Variants in ACSL3 observed in about 807,000 individuals in gnomAD.
The protein encoded by ACSL3 is acyl-CoA synthetase long chain family member 3.
In ACSL3, 34 loss-of-function variants were observed where a neutral mutation model predicts 84.7. The ratio of observed to expected loss-of-function variants is 0.40; its 90% CI spans 0.31 to 0.53. ACSL3 has a LOEUF of 0.53. Ranked by LOEUF, ACSL3 falls within the 20% of genes least tolerant of loss-of-function variation. The pLI is 0.48. For synonymous variants in ACSL3, 315 were observed against 299.4 expected, an observed-to-expected ratio of 1.05 and a Z score of -0.54; for missense variants, 680 against 873.1, an observed-to-expected ratio of 0.78 and a Z score of 2.79.
intron 6 of ACSL3, among the ~76,000 whole-genome samples, 181 bp from the exon 7 acceptor site, chr2:222,918,883 T>C (rs767362775): frequency 6.6e-6 from 1 of 151,980 alleles, no homozygotes; most frequent in Non-Finnish European, 1.5e-5. Flanking sequence ...AAAATAATAA[T>C]TTAAATTCAG....
At chr2:222,893,318 G>T (rs2106104575) in intron 2 of ACSL3, among the ~76,000 whole-genome samples, 1 of 152,302 alleles carries the variant, frequency 6.6e-6, no homozygotes, top group Non-Finnish European at 1.5e-5. Flanking sequence ...GATGGTGGTG[G>T]ATGTGAGGGG....
intron 1 of ACSL3, among the ~76,000 whole-genome samples, chr2:222,877,891 T>C (rs1695490460): frequency 6.6e-6 from 1 of 152,222 alleles, no homozygotes; most frequent in Non-Finnish European, 1.5e-5. Context: ...GATCACAGTT[T>C]TTGTTTCTTG....
Position 222,943,256 on chromosome 2 carries a change from A to T in ACSL3, c.*1602A>T, listed in dbSNP as rs939066793. 9.6e-5 allele frequency: 16 copies of T among 166,904 alleles called. No individual in the cohort carries two copies. The highest frequency in any genetic ancestry group is 4.6e-4 in the African/African-American group (16 of 34,912). The allele number at this position is 166,904 out of a possible 1,614,324, so 10.3% of individuals were successfully genotyped here. ...TTGTTTTCAACTTTTCTTGTATTGTATATTTGTATTATGTTTTGAATGCTT... is the reference window on the plus strand; with the variant it reads ...TTGTTTTCAACTTTTCTTGTATTGTTTATTTGTATTATGTTTTGAATGCTT... On this transcript the variant is annotated 3_prime_UTR_variant, in exon 17 of 17. Transcript: ENST00000357430.
At chr2:222,931,566 T>G (rs1697031439) in intron 14 of ACSL3, among the ~76,000 whole-genome samples, 1 of 152,134 alleles carries the variant, frequency 6.6e-6, no homozygotes, top group Non-Finnish European at 1.5e-5. Context: ...ATCATACTCT[T>G]CTCTCTTTGT....
At chr2:222,928,687 A>C (rs1195224221) in intron 12 of ACSL3, among the ~76,000 whole-genome samples, 175 bp from the exon 13 acceptor site, 1 of 152,138 alleles carries the variant, frequency 6.6e-6, no homozygotes, top group Non-Finnish European at 1.5e-5. Flanking sequence ...TAGGCCAAAA[A>C]ATACGACTCT....
chr2:222,866,894 G>A lies in ACSL3; in HGVS notation c.-207+5636G>A, dbSNP rs186529294. ...CTGTCACCTATGCTGGAGTGCAGTGGTGTGATCTCTGCTCACTGCAACCTC... is the reference window on the plus strand; with the variant it reads ...CTGTCACCTATGCTGGAGTGCAGTGATGTGATCTCTGCTCACTGCAACCTC... On this transcript the variant is annotated intron_variant, in intron 1 of 16. Coordinates refer to ENST00000357430, the MANE Select transcript of ACSL3 (RefSeq NM_004457.5). Among the ~76,000 whole-genome samples, 701 of 147,358 alleles carry A rather than the reference G, an allele frequency of 4.8e-3. 4 individuals are homozygous for A. The highest frequency in any genetic ancestry group is 7.9e-3 in the Non-Finnish European group (523 of 66,352).
At chr2:222,863,653 A>G (rs1695067487) in intron 1 of ACSL3, among the ~76,000 whole-genome samples, 1 of 152,218 alleles carries the variant, frequency 6.6e-6, no homozygotes, top group Non-Finnish European at 1.5e-5. Flanking sequence ...TTTTAAAACA[A>G]CGAGCATCAT....
At chr2:222,924,698 T>C in intron 11 of ACSL3, 103 bp downstream of exon 11, 1 of 1,275,158 alleles carries the variant, frequency 7.8e-7, no homozygotes, top group Non-Finnish European at 1.1e-6. Flanking sequence ...GAAAGAAATA[T>C]ATTTCATAAA....
chr2:222,880,209 C>A (rs1381700664), intron 1 of ACSL3, among the ~76,000 whole-genome samples: 1 of 152,110 alleles, frequency 6.6e-6, no homozygotes, highest in East Asian at 1.9e-4. Context: ...GTTTTTTCTT[C>A]TAGATAAATG....
chr2:222,920,545 A>G (rs1354002127), intron 7 of ACSL3, among the ~76,000 whole-genome samples: 1 of 152,224 alleles, frequency 6.6e-6, no homozygotes, highest in Non-Finnish European at 1.5e-5. Context: ...GCAAACACCT[A>G]GATACTCTAG....
At chr2:222,922,948 T>C in intron 9 of ACSL3, 117 bp downstream of exon 9, 1 of 1,454,840 alleles carries the variant, frequency 6.9e-7, no homozygotes, top group Non-Finnish European at 9.4e-7. Context: ...AAATGAGCTT[T>C]AGCCTTTTAA....
chr2:222,892,687 T>G (rs1185104396), intron 2 of ACSL3, among the ~76,000 whole-genome samples: 1 of 152,162 alleles, frequency 6.6e-6, no homozygotes, highest in Admixed American at 6.6e-5. Flanking sequence ...CAATAAGGTA[T>G]TAACTATAGA....
chr2:222,901,514 ATTGT>A (rs1235186365), intron 3 of ACSL3, among the ~76,000 whole-genome samples: 1 of 152,116 alleles, frequency 6.6e-6, no homozygotes, highest in Non-Finnish European at 1.5e-5. Flanking sequence ...CTTTTTCAAG[ATTGT>A]TTGGCTGTTC....
At chr2:222,862,228 C>T (rs1194612852) in intron 1 of ACSL3, among the ~76,000 whole-genome samples, 1 of 152,214 alleles carries the variant, frequency 6.6e-6, no homozygotes, top group Non-Finnish European at 1.5e-5. Flanking sequence ...TAACAGTCCT[C>T]TGGGGTGGGG....
At chr2:222,923,508 C>T (rs1039626680) in intron 10 of ACSL3, among the ~76,000 whole-genome samples, 3 of 152,192 alleles carry the variant, frequency 2.0e-5, no homozygotes, top group African/African-American at 7.2e-5. Flanking sequence ...TTTAAGCAAG[C>T]TGTATAGTTA....
chr2:222,930,329 A>AT (rs1696993767), intron 13 of ACSL3, among the ~76,000 whole-genome samples: 1 of 152,054 alleles, frequency 6.6e-6, no homozygotes. Context: ...AATCTTTCAA[A>AT]TAATTTGTCT....
rs6547 is a variant in ACSL3, at chr2:222,944,353, G to A, written c.*2699G>A. 0.82 allele frequency: 124,800 copies of A among 152,102 alleles called. 51,430 individuals carry two copies. The highest frequency in any genetic ancestry group is 0.96 in the East Asian group (5,003 of 5,186). 9.4% of individuals were successfully genotyped at this position (152,102 alleles called of 1,614,324 possible). A position where few individuals can be genotyped will look rare whatever the true frequency, so the allele number is the denominator to read the frequency against. On this transcript the variant is annotated 3_prime_UTR_variant, in exon 17 of 17. Transcript: ENST00000357430. ...AAAAACTTTTAAAAATCTCTGATGTGTGGGCTCTTTTTTTCCCATAAGAAT... is the reference window on the plus strand; with the variant it reads ...AAAAACTTTTAAAAATCTCTGATGTATGGGCTCTTTTTTTCCCATAAGAAT...
intron 12 of ACSL3, among the ~76,000 whole-genome samples, chr2:222,928,390 G>A (rs150070203): frequency 1.6e-3 from 237 of 152,258 alleles, no homozygotes; most frequent in Non-Finnish European, 2.8e-3. Context: ...TAGAATAGAC[G>A]TAAACCATTG....
chr2:222,914,963 A>C (rs1479002094), intron 4 of ACSL3, among the ~76,000 whole-genome samples: 1 of 152,260 alleles, frequency 6.6e-6, no homozygotes, highest in Non-Finnish European at 1.5e-5. Context: ...CCTTTGCCAC[A>C]TGGTGGCATC....
Sources: allele counts gnomAD v4.1 joint callset (sites outside exome capture counted in the v4.1 genomes callset), GRCh38; gene constraint gnomAD v4.1.1; transcripts MANE v1.5; gene names NCBI Gene and HGNC (gene_info 2026-07-23, HGNC 2026-07-21).